The following RTN1 variants were observed in gnomAD, a reference collection of about 807,000 sequenced individuals.
RTN1 encodes the protein reticulon 1, also known as reticulon-1.
A neutral mutation model predicts 65.5 loss-of-function variants in RTN1; 25 were observed. The ratio of observed to expected loss-of-function variants is 0.38; its 90% confidence interval spans 0.28 to 0.53. The LOEUF is 0.53. Ranked by LOEUF, RTN1 falls within the 20% of genes least tolerant of loss-of-function variation. RTN1 has a pLI of 0.79. For synonymous variants in RTN1, 471 were observed against 447.6 expected (o/e 1.05, Z -0.66); for missense variants, 983 against 1,025.4 (o/e 0.96, Z 0.57).
At chr14:59,678,473 A>T (rs1423336804) in intron 3 of RTN1, among the ~76,000 whole-genome samples, 1 of 152,192 alleles carries the variant, frequency 6.6e-6, no homozygotes, top group Non-Finnish European at 1.5e-5. Context: ...GACAACTCTT[A>T]CTGACTCAGG....
At chr14:59,739,292 G>A (rs543090474) in intron 2 of RTN1, among the ~76,000 whole-genome samples, 26 of 152,252 alleles carry the variant, frequency 1.7e-4, no homozygotes, top group African/African-American at 3.9e-4. Flanking sequence ...ATGCCGAGGC[G>A]GGCAGATCAC....
intron 2 of RTN1, among the ~76,000 whole-genome samples, chr14:59,729,252 T>A (rs1332864019): frequency 6.6e-6 from 1 of 152,090 alleles, no homozygotes; most frequent in African/African-American, 2.4e-5. Flanking sequence ...GTGAATAAGT[T>A]GGGAAATAAG....
chr14:59,699,250 T>G (rs2139446239), intron 3 of RTN1, among the ~76,000 whole-genome samples: 1 of 151,824 alleles, frequency 6.6e-6, no homozygotes, highest in East Asian at 1.9e-4. Context: ...AAATACCACC[T>G]GTTCCCCAAC....
At chr14:59,713,098 C>A (rs1884458154) in intron 3 of RTN1, among the ~76,000 whole-genome samples, 1 of 151,998 alleles carries the variant, frequency 6.6e-6, no homozygotes, top group Admixed American at 6.6e-5. Flanking sequence ...TTTGAACAGA[C>A]AAAAAAATCG....
chr14:59,843,417 T>A (rs1355795960), intron 1 of RTN1, among the ~76,000 whole-genome samples: 1 of 152,244 alleles, frequency 6.6e-6, no homozygotes, highest in Non-Finnish European at 1.5e-5. Context: ...CACCAAACTG[T>A]ATAAGTGAGA....
chr14:59,617,073 G>A (rs966198161), intron 3 of RTN1, among the ~76,000 whole-genome samples: 6 of 152,162 alleles, frequency 3.9e-5, no homozygotes, highest in East Asian at 1.9e-4. Flanking sequence ...ATAACAATCT[G>A]TTTTCTTTTC....
chr14:59,655,675 T>C (rs1266977936), intron 3 of RTN1, among the ~76,000 whole-genome samples: 1 of 152,194 alleles, frequency 6.6e-6, no homozygotes, highest in Non-Finnish European at 1.5e-5. Flanking sequence ...CCATCACATA[T>C]ATGGTCAACT....
At position 59,870,124 on chromosome 14, in the gene RTN1, A is replaced by G. The variant is rs1887868884; in HGVS notation, c.241+266T>C. Among the ~76,000 whole-genome samples the G allele has an allele frequency of 6.6e-6, 1 of 152,240 alleles. No individual in the cohort carries two copies. Among genetic ancestry groups the G allele is most frequent in the Non-Finnish European group, 1.5e-5 (1 of 68,042 alleles). Reference sequence around the variant, plus strand: ...GCCAGAATGCTGCTGTTTGCCTATGAGAACAATTTTTAAAGCGGAAATAAT... The same window carrying G: ...GCCAGAATGCTGCTGTTTGCCTATGGGAACAATTTTTAAAGCGGAAATAAT... On this transcript the variant is annotated intron_variant, in intron 1 of 8. Transcript: ENST00000267484. This position sits in a 1 kb window ranked among gnomAD's most constrained non-coding sequence, Gnocchi z 5.1.
intron 1 of RTN1, among the ~76,000 whole-genome samples, chr14:59,763,619 G>A (rs1001404697): frequency 1.4e-5 from 2 of 144,408 alleles, no homozygotes; most frequent in African/African-American, 2.6e-5. Flanking sequence ...TGCAAGCTCC[G>A]CCTCCCAGGT....
At chr14:59,647,274 A>G (rs772217391) in intron 3 of RTN1, among the ~76,000 whole-genome samples, 3 of 152,236 alleles carry the variant, frequency 2.0e-5, no homozygotes, top group Non-Finnish European at 2.9e-5. Flanking sequence ...TATGCACCCA[A>G]CACAGGGACA....
chr14:59,674,188 A>G (rs1199182354), intron 3 of RTN1, among the ~76,000 whole-genome samples: 2 of 152,200 alleles, frequency 1.3e-5, no homozygotes, highest in Non-Finnish European at 1.5e-5. Flanking sequence ...TACTTTAAAG[A>G]CAAAGTTATA....
At chr14:59,686,567 A>G (rs1202849320) in intron 3 of RTN1, among the ~76,000 whole-genome samples, 3 of 152,228 alleles carry the variant, frequency 2.0e-5, no homozygotes, top group Non-Finnish European at 2.9e-5. Context: ...GTAAATGAGA[A>G]TCCACTAGAT....
chr14:59,679,368 A>G (rs1168200752), intron 3 of RTN1, among the ~76,000 whole-genome samples: 1 of 152,162 alleles, frequency 6.6e-6, no homozygotes, highest in African/African-American at 2.4e-5. Context: ...TTACCATTGT[A>G]TCAATGTTTG....
chr14:59,718,689 A>C (rs879699490), intron 3 of RTN1, among the ~76,000 whole-genome samples: 1 of 152,224 alleles, frequency 6.6e-6, no homozygotes, highest in Non-Finnish European at 1.5e-5. Flanking sequence ...TTTCAGTGCT[A>C]TCATAATCCA....
intron 3 of RTN1, among the ~76,000 whole-genome samples, chr14:59,720,887 C>A (rs1008886275): frequency 6.6e-6 from 1 of 152,048 alleles, no homozygotes; most frequent in Non-Finnish European, 1.5e-5. Flanking sequence ...GGGCATAGAG[C>A]TCAAGTGGAA....
chr14:59,661,316 C>T (rs540878943), intron 3 of RTN1, among the ~76,000 whole-genome samples: 3 of 147,070 alleles, frequency 2.0e-5, no homozygotes, highest in Non-Finnish European at 4.5e-5. Context: ...GAATTCTATT[C>T]GAGGTATAAA....
intron 3 of RTN1, among the ~76,000 whole-genome samples, chr14:59,640,380 G>A (rs1882751589): frequency 6.6e-6 from 1 of 152,140 alleles, no homozygotes; most frequent in Non-Finnish European, 1.5e-5. Context: ...GCAGTGGCGT[G>A]ATCTCAGCTC....
At chr14:59,784,178 C>A (rs1183776780) in intron 1 of RTN1, among the ~76,000 whole-genome samples, 1 of 152,178 alleles carries the variant, frequency 6.6e-6, no homozygotes, top group East Asian at 1.9e-4. Context: ...GTGGCTCATG[C>A]CTGTAATCCC....
chr14:59,705,449 A>G (rs1416058627), intron 3 of RTN1, among the ~76,000 whole-genome samples: 1 of 152,240 alleles, frequency 6.6e-6, no homozygotes, highest in Non-Finnish European at 1.5e-5. Context: ...AGCATCTGAT[A>G]ATGATACTCA....
Sources: allele counts gnomAD v4.1 joint callset (sites outside exome capture counted in the v4.1 genomes callset), GRCh38; gene constraint gnomAD v4.1.1; non-coding constraint Gnocchi (gnomAD v3.1); transcripts MANE v1.5; gene names NCBI Gene and HGNC (gene_info 2026-07-23, HGNC 2026-07-21).